The following CHRM2 variants were observed in gnomAD, a reference collection of about 807,000 sequenced individuals.
CHRM2 encodes the protein cholinergic receptor muscarinic 2, also known as muscarinic acetylcholine receptor M2.
In CHRM2, 8 loss-of-function variants were observed where a neutral mutation model predicts 25.0. That is an observed-to-expected ratio of 0.32 (90% CI 0.19 to 0.58). The LOEUF is 0.58. CHRM2 is among the 20% of genes least tolerant of loss of function. The pLI is 0.88. For missense variants in CHRM2, 440 were observed against 567.1 expected (o/e 0.78, Z 2.28); for synonymous variants, 202 against 205.7 (o/e 0.98, Z 0.15).
intron 2 of CHRM2, among the ~76,000 whole-genome samples, chr7:136,909,689 C>G (rs1044231997): frequency 3.3e-5 from 5 of 151,862 alleles, no homozygotes; most frequent in Non-Finnish European, 7.4e-5. Context: ...GCACTTCAAG[C>G]ATGTTTATAT....
At chr7:136,942,682 C>T (rs1020576187) in intron 2 of CHRM2, among the ~76,000 whole-genome samples, 4 of 152,144 alleles carry the variant, frequency 2.6e-5, no homozygotes, top group African/African-American at 9.7e-5. Flanking sequence ...AACCCCAGGG[C>T]AGGCTGCTTC....
intron 2 of CHRM2, among the ~76,000 whole-genome samples, chr7:136,881,848 G>A (rs62485222): frequency 0.13 from 20,238 of 152,000 alleles, 1,534 homozygotes; most frequent in Non-Finnish European, 0.18. Context: ...TCACAGGGCT[G>A]TTTACTTTCC....
At chr7:136,905,293 T>C (rs969788995) in intron 2 of CHRM2, among the ~76,000 whole-genome samples, 6 of 151,906 alleles carry the variant, frequency 3.9e-5, no homozygotes, top group South Asian at 2.1e-4. Flanking sequence ...GGCCAAGATA[T>C]ACACACACAT....
At chr7:136,918,610 T>C (rs1198211889) in intron 2 of CHRM2, among the ~76,000 whole-genome samples, 1 of 152,058 alleles carries the variant, frequency 6.6e-6, no homozygotes, top group African/African-American at 2.4e-5. Flanking sequence ...TTTATTTTAT[T>C]AGAGACAGTG....
In CHRM2 at chr7:137,015,658, G is replaced by A; in HGVS notation, c.793G>A (p.Ala265Thr). ...GCACAACAAAATCCAGAATGGCAAA[G>A]CCCCCAGGGATCCTGTGACTGAAAA... ...LEHNKIQNGKAPRDPVTENCV... is the reference protein window; with the variant it reads ...LEHNKIQNGKTPRDPVTENCV... The change falls in exon 4 of 4, where the codon GCC becomes ACC. Residue 265 changes from alanine (A) to threonine (T), a missense_variant. Around this residue, in one of 5 missense-constraint regions of CHRM2, gnomAD observed 261 missense variants for 261.8 expected, o/e 1.00. Coordinates refer to ENST00000680005, the MANE Select transcript of CHRM2 (RefSeq NM_001006630.2). The surrounding 1 kb of genome is among the most constrained non-coding windows in gnomAD (Gnocchi z 5.1). 1 of 1,613,050 alleles carries A rather than the reference G, an allele frequency of 6.2e-7. No homozygotes were observed. Among genetic ancestry groups the A allele is most frequent in the Non-Finnish European group, 8.5e-7 (1 of 1,179,542 alleles).
intron 2 of CHRM2, among the ~76,000 whole-genome samples, chr7:136,923,264 T>TTA (rs972922409): frequency 1.6e-5 from 2 of 127,412 alleles, no homozygotes; most frequent in African/African-American, 6.6e-5. Flanking sequence ...TTATTAGCTT[T>TTA]TTTTTTTTTT....
At chr7:136,970,756 A>AG (rs1801711387) in intron 2 of CHRM2, among the ~76,000 whole-genome samples, 1 of 152,188 alleles carries the variant, frequency 6.6e-6, no homozygotes, top group South Asian at 2.1e-4. Context: ...AATACCTTAG[A>AG]GAAAAAAGGC....
Position 136,926,909 on chromosome 7 carries a change from T to G in CHRM2, c.-125+57491T>G, listed in dbSNP as rs549744369. Among the ~76,000 whole-genome samples the G allele has an allele frequency of 6.6e-5, 10 of 152,336 alleles. No individual in the cohort carries two copies. The East Asian group carries it at 1.9e-3, about 29-fold the overall frequency. On this transcript the variant is annotated intron_variant, in intron 2 of 3. Coordinates refer to ENST00000680005, the MANE Select transcript of CHRM2 (RefSeq NM_001006630.2). ...GAAAACCAAGCCATGCTGCCTAAAC[T>G]AGCATATTCAGTGGATCCCCTTGTT...
chr7:136,916,088 C>T (rs954856006), intron 2 of CHRM2, among the ~76,000 whole-genome samples: 6 of 151,734 alleles, frequency 4.0e-5, no homozygotes, highest in African/African-American at 1.5e-4. Flanking sequence ...CTATATAATT[C>T]CCCACATTTC....
chr7:136,956,760 T>C (rs905563892), intron 2 of CHRM2, among the ~76,000 whole-genome samples: 1 of 152,132 alleles, frequency 6.6e-6, no homozygotes, highest in Non-Finnish European at 1.5e-5. Flanking sequence ...GAAGATATTT[T>C]AGTGTCAACT....
rs1269165356 is a variant in CHRM2 at position 136,990,066 on chromosome 7, T to A, written c.-124-2121T>A. Among the ~76,000 whole-genome samples, 12 of 152,124 alleles carry A rather than the reference T, an allele frequency of 7.9e-5. 1 individual carries two copies. The highest frequency in any genetic ancestry group is 2.1e-4 in the South Asian group (1 of 4,830). Reference sequence around the variant, plus strand: ...CATCATCATGATCATATTTATTTTTTAAGACTTTATTTTTTAAAGCAGTTT... The same window carrying A: ...CATCATCATGATCATATTTATTTTTAAAGACTTTATTTTTTAAAGCAGTTT... On this transcript the variant is annotated intron_variant, in intron 2 of 3. Transcript: ENST00000680005.
chr7:137,001,213 C>G (rs1443154033), intron 3 of CHRM2, among the ~76,000 whole-genome samples: 1 of 152,112 alleles, frequency 6.6e-6, no homozygotes, highest in Non-Finnish European at 1.5e-5. Flanking sequence ...TCCTCCTCCC[C>G]CCTCAGACAG....
intron 2 of CHRM2, among the ~76,000 whole-genome samples, chr7:136,954,236 G>GTATA (rs1800587548): frequency 6.6e-6 from 1 of 152,022 alleles, no homozygotes; most frequent in Non-Finnish European, 1.5e-5. Context: ...ATTTATATAT[G>GTATA]TGTGTATTTT....
At chr7:136,966,277 T>A (rs1284782551) in intron 2 of CHRM2, among the ~76,000 whole-genome samples, 1 of 152,002 alleles carries the variant, frequency 6.6e-6, no homozygotes, top group African/African-American at 2.4e-5. Context: ...CATTTGTTTG[T>A]ATAGGTTTCA....
chr7:136,915,543 C>G (rs1327549677), intron 2 of CHRM2, among the ~76,000 whole-genome samples: 1 of 151,784 alleles, frequency 6.6e-6, no homozygotes, highest in Non-Finnish European at 1.5e-5. Context: ...AGTATTGGAA[C>G]ATGTTCTAGT....
At chr7:136,988,797 T>C (rs879561182) in intron 2 of CHRM2, among the ~76,000 whole-genome samples, 2 of 152,182 alleles carry the variant, frequency 1.3e-5, no homozygotes, top group African/African-American at 2.4e-5. Flanking sequence ...TTATAGGCTG[T>C]TGCCATTTTT....
At chr7:136,877,834 C>T (rs1436303795) in intron 2 of CHRM2, among the ~76,000 whole-genome samples, 1 of 151,984 alleles carries the variant, frequency 6.6e-6, no homozygotes, top group East Asian at 1.9e-4. Flanking sequence ...CCTCCTCATT[C>T]ATGCCAAGCC....
intron 2 of CHRM2, among the ~76,000 whole-genome samples, chr7:136,933,821 C>T (rs996069908): frequency 6.6e-6 from 1 of 152,104 alleles, no homozygotes; most frequent in African/African-American, 2.4e-5. Flanking sequence ...AAGGACAACA[C>T]ACCATATAGT....
intron 2 of CHRM2, among the ~76,000 whole-genome samples, chr7:136,874,841 G>T (rs980704503): frequency 1.2e-4 from 18 of 151,586 alleles, no homozygotes; most frequent in Admixed American, 3.3e-4. Flanking sequence ...GCAAAGGGGT[G>T]GGAAGGATAT....
Sources: allele counts gnomAD v4.1 joint callset (sites outside exome capture counted in the v4.1 genomes callset), GRCh38; gene constraint gnomAD v4.1.1; regional missense constraint gnomAD v4.1.1; non-coding constraint Gnocchi (gnomAD v3.1); transcripts MANE v1.5; gene names NCBI Gene and HGNC (gene_info 2026-07-23, HGNC 2026-07-21).